Variants in MISP observed in about 807,000 individuals in gnomAD.
MISP encodes the protein mitotic interactor and substrate of PLK1.
In MISP, 51 loss-of-function variants were observed where a neutral mutation model predicts 49.3. That is an observed-to-expected ratio of 1.03 (90% CI 0.83 to 1.31). MISP has a LOEUF of 1.31. MISP is among the 50% of genes most tolerant of loss of function. MISP has a pLI of 0.00. For synonymous variants in MISP, 444 were observed against 392.6 expected (o/e 1.13, Z -1.55); for missense variants, 1,084 against 935.1 (o/e 1.16, Z -2.08).
rs933396900 is a variant in MISP, at chr19:756,953, C to G, written c.7C>G (p.Arg3Gly). The change falls in exon 2 of 5, where the codon CGC (arginine) becomes GGC (glycine). Residue 3 changes from arginine (R) to glycine (G), a missense_variant. Transcript: ENST00000215582. Reference protein sequence around the residue: MDRVTRYPILGIP... With the variant: MDGVTRYPILGIP... ...GGCCAAGACCCCGGAAGAGATGGAC[C>G]GCGTGACCAGATACCCCATCCTGGG... 3 of 1,556,060 alleles carry G rather than the reference C, an allele frequency of 1.9e-6. No individual in the cohort carries two copies. The highest frequency in any genetic ancestry group is 3.7e-5 in the Admixed American group (2 of 54,106).
intron 4 of MISP, among the ~76,000 whole-genome samples, chr19:762,741 C>T (rs1302851420): frequency 6.6e-6 from 1 of 152,058 alleles, no homozygotes; most frequent in Non-Finnish European, 1.5e-5. Flanking sequence ...TCACTGCAAC[C>T]TTGACCTCCT....
chr19:750,588 C>T (rs1015276020), upstream of MISP, among the ~76,000 whole-genome samples: 8 of 152,202 alleles, frequency 5.3e-5, no homozygotes, highest in South Asian at 4.1e-4. Context: ...CCCCACGTCC[C>T]GGAGGAGAAA....
At position 757,078 on chromosome 19, in the gene MISP, C is replaced by T. The variant is rs2033561838; in HGVS notation, c.132C>T (p.Gly44=). The T allele has an allele frequency of 6.2e-7, 1 of 1,612,462 alleles. No individual in the cohort carries two copies. The highest frequency in any genetic ancestry group is 1.3e-5 in the African/African-American group (1 of 74,940). Residue 44 remains glycine, a synonymous_variant, in exon 2 of 5, where the codon GGC becomes GGT. Coordinates refer to ENST00000215582, the MANE Select transcript of MISP (RefSeq NM_173481.4). ...TGGGCCCCGAGGCCAGCGGCTGGGG[C>T]CAGGATGAGCCGCAGACATGGCCCA... ...VCMGPEASGW[G]QDEPQTWPTD...
rs540007729 is a variant in MISP, at chr19:759,633, C to G, written c.1781-276C>G. On this transcript the variant is annotated intron_variant, in intron 2 of 4. Coordinates refer to ENST00000215582, the MANE Select transcript of MISP (RefSeq NM_173481.4). ...GCCAGGACGGTCTCGATCTCCTGAC[C>G]TCGTGATCCACCCACCTCGGCCTCC... Among the ~76,000 whole-genome samples the G allele has an allele frequency of 2.0e-5, 3 of 151,430 alleles. No homozygotes were observed. In the South Asian group the frequency reaches 6.3e-4, roughly 32 times the overall value.
In MISP at chr19:758,395, G is replaced by C; in HGVS notation, c.1449G>C (p.Glu483Asp). The stretch of plus-strand genomic sequence containing the variant: ...GAAAACCCCTGAGCACAAAGCAAGA[G>C]GCATCGAAGCCCCCTCGGGGATGCC... ...SSGKPLSTKQ[E>D]ASKPPRGCPQ... Residue 483 changes from glutamate to aspartate, a missense_variant, in exon 2 of 5, where the codon GAG becomes GAC. Transcript: ENST00000215582. 1 of 1,614,212 alleles carries C rather than the reference G, an allele frequency of 6.2e-7. No individual in the cohort carries two copies. Among genetic ancestry groups the C allele is most frequent in the Non-Finnish European group, 8.5e-7 (1 of 1,180,044 alleles).
intron 4 of MISP, 115 bp from the exon 5 acceptor site, chr19:763,386 A>G (rs2033705613): frequency 1.4e-6 from 1 of 700,068 alleles, no homozygotes; most frequent in Admixed American, 2.1e-5. Flanking sequence ...GAAACAGAGG[A>G]GGGGATCCTA....
chr19:756,072 G>A (rs768094754), intron 1 of MISP, among the ~76,000 whole-genome samples: 1 of 152,126 alleles, frequency 6.6e-6, no homozygotes, highest in Non-Finnish European at 1.5e-5. Context: ...GTAGTAACCG[G>A]GACATTCAGA....
chr19:758,680 A>G lies in MISP; in HGVS notation c.1734A>G (p.Pro578=). Reference sequence around the variant, plus strand: ...TCCCAGAGGTCTTCTCCCCAACGCCAGATGAGAACTCTGACCAGAACTCCA... The same window carrying G: ...TCCCAGAGGTCTTCTCCCCAACGCCGGATGAGAACTCTGACCAGAACTCCA... ...ALFPEVFSPT[P]DENSDQNSRS... Residue 578 remains proline, a synonymous_variant, in exon 2 of 5, where the codon CCA becomes CCG. Transcript: ENST00000215582. The G allele has an allele frequency of 6.2e-7, 1 of 1,614,242 alleles. No homozygotes were observed. The highest frequency in any genetic ancestry group is 8.5e-7 in the Non-Finnish European group (1 of 1,180,040).
rs1236219688 is a variant in MISP, at chr19:758,522, T to C, written c.1576T>C (p.Trp526Arg). Reference protein sequence around the residue: ...EPQQAQVPHVWGWEVAGAPAL... With the variant: ...EPQQAQVPHVRGWEVAGAPAL... The stretch of plus-strand genomic sequence containing the variant: ...CCAGCAGGCCCAAGTCCCCCATGTC[T>C]GGGGCTGGGAGGTGGCTGGGGCCCC... The change falls in exon 2 of 5, where the codon TGG (tryptophan) becomes CGG (arginine). Residue 526 changes from tryptophan to arginine, a missense_variant. Coordinates refer to ENST00000215582, the MANE Select transcript of MISP (RefSeq NM_173481.4). The C allele has an allele frequency of 3.7e-6, 6 of 1,613,976 alleles. No homozygotes were observed. Among genetic ancestry groups the C allele is most frequent in the Non-Finnish European group, 4.2e-6 (5 of 1,179,962 alleles).
intron 1 of MISP, among the ~76,000 whole-genome samples, 190 bp downstream of exon 1, chr19:751,361 C>T (rs942541852): frequency 2.6e-5 from 4 of 152,178 alleles, no homozygotes; most frequent in Non-Finnish European, 4.4e-5. Context: ...TTCCCTCTGC[C>T]CCCGCTAGGT....
At chr19:755,360 G>A (rs769934221) in intron 1 of MISP, among the ~76,000 whole-genome samples, 13 of 152,206 alleles carry the variant, frequency 8.5e-5, no homozygotes, top group South Asian at 2.1e-4. Context: ...GCTTTATGGC[G>A]ACAAGGCCCA....
chr19:758,461 C>A lies in MISP; in HGVS notation c.1515C>A (p.Arg505=). The A allele has an allele frequency of 1.2e-6, 2 of 1,614,166 alleles. No homozygotes were observed. The highest frequency in any genetic ancestry group is 3.3e-5 in the Admixed American group (2 of 60,022). ...GTGTCGTGCGGTGGGAGTACTTCCG[C>A]CTGCGTCCTCTGCGGTTCAGGGCCC... ...NRGVVRWEYF[R]LRPLRFRAPD... The change falls in exon 2 of 5, where the codon CGC becomes CGA. Residue 505 remains arginine (R), a synonymous_variant. Transcript: ENST00000215582.
upstream of MISP, among the ~76,000 whole-genome samples, chr19:748,994 C>T (rs765875839): frequency 6.6e-6 from 1 of 152,190 alleles, no homozygotes; most frequent in East Asian, 1.9e-4. Context: ...AAAACTTAGC[C>T]GGGCGTGGTG....
rs750460205 is a variant in MISP, at chr19:763,878, G to A, written c.*288G>A. 7.5e-6 allele frequency: 3 copies of A among 399,180 alleles called. No individual in the cohort carries two copies. The highest frequency in any genetic ancestry group is 1.4e-5 in the Non-Finnish European group (3 of 217,626). The allele number at this position is 399,180 out of a possible 1,614,324, so 24.7% of individuals were successfully genotyped here. On this transcript the variant is annotated 3_prime_UTR_variant, in exon 5 of 5. Transcript: ENST00000215582. Reference sequence around the variant, plus strand: ...TCTAAGACTTTGCCAAATGCCCTGGGTCTAAGAAAGAAAGAGACCCGCTCC... The same window carrying A: ...TCTAAGACTTTGCCAAATGCCCTGGATCTAAGAAAGAAAGAGACCCGCTCC...
chr19:749,869 C>G (rs1361922488), upstream of MISP, among the ~76,000 whole-genome samples: 1 of 151,896 alleles, frequency 6.6e-6, no homozygotes, highest in Non-Finnish European at 1.5e-5. Flanking sequence ...AGCAGCCCTG[C>G]TGGATTCGTA....
Position 759,781 on chromosome 19 carries a change from GT to G in MISP, c.1781-125del, listed in dbSNP as rs1318895879. Reference sequence around the variant, plus strand: ...ACTGGCTACTTTGGTCAATCTGTCAGTTTCCCGGATAGTCATCTGCTCTGTC... The same window carrying G: ...ACTGGCTACTTTGGTCAATCTGTCAGTTCCCGGATAGTCATCTGCTCTGTC... On this transcript the variant is annotated intron_variant, in intron 2 of 4. Coordinates refer to ENST00000215582, the MANE Select transcript of MISP (RefSeq NM_173481.4). 15 of 1,096,046 alleles carry G rather than the reference GT, an allele frequency of 1.4e-5. No homozygotes were observed. The African/African-American group carries it at 2.4e-4, about 17-fold the overall frequency. The allele number at this position is 1,096,046 out of a possible 1,614,324, so 67.9% of individuals were successfully genotyped here.
Position 757,170 on chromosome 19 carries a change from G to A in MISP, c.224G>A (p.Gly75Asp), listed in dbSNP as rs559155443. 6.2e-7 allele frequency: 1 copy of A among 1,613,460 alleles called. No individual in the cohort carries two copies. The highest frequency in any genetic ancestry group is 2.2e-5 in the East Asian group (1 of 44,876). Residue 75 changes from glycine to aspartate, a missense_variant, in exon 2 of 5, where the codon GGC becomes GAC. Gly to Asp is a moderately conservative substitution (Grantham distance 94). Coordinates refer to ENST00000215582, the MANE Select transcript of MISP (RefSeq NM_173481.4). ...TCCTACAGCGTGCATGCCTACACTG[G>A]CCAGCCGTCCCCACGGGGGCTCCAC... ...GVSYSVHAYT[G>D]QPSPRGLHSE...
In MISP at chr19:757,744, C is replaced by G; in HGVS notation, c.798C>G (p.Thr266=). The G allele has an allele frequency of 6.2e-7, 1 of 1,613,862 alleles. No individual in the cohort carries two copies. The highest frequency in any genetic ancestry group is 8.5e-7 in the Non-Finnish European group (1 of 1,179,966). The change falls in exon 2 of 5, where the codon ACC becomes ACG. Residue 266 remains threonine (T), a synonymous_variant. Coordinates refer to ENST00000215582, the MANE Select transcript of MISP (RefSeq NM_173481.4). ...REENKVRAVP[T]WASVQVVDDP... ...AGAACAAGGTGCGTGCTGTGCCCAC[C>G]TGGGCCAGTGTCCAAGTTGTGGATG...
At chr19:753,112 C>T (rs973282406) in intron 1 of MISP, among the ~76,000 whole-genome samples, 2 of 152,190 alleles carry the variant, frequency 1.3e-5, no homozygotes, top group Non-Finnish European at 2.9e-5. Flanking sequence ...GCTGGGCAGG[C>T]GGCGTCCACG....
Sources: gnomAD v4.1 joint callset for allele counts (sites outside exome capture counted in the v4.1 genomes callset) on GRCh38, gnomAD v4.1.1 for gene constraint, MANE v1.5 for transcripts, NCBI Gene and HGNC (gene_info 2026-07-23, HGNC 2026-07-21) for gene names.